OSBPL10: variants seen among roughly 807,000 people sequenced by gnomAD.
OSBPL10 encodes the protein oxysterol-binding protein-related protein 10.
OSBPL10 carries 49 observed loss-of-function variants against 81.7 expected under a neutral mutation model. The ratio of observed to expected loss-of-function variants is 0.60; its 90% confidence interval spans 0.48 to 0.76. The LOEUF (loss-of-function observed/expected upper bound fraction) is 0.76. Ranked by LOEUF, OSBPL10 falls within the 30% of genes least tolerant of loss-of-function variation. The probability of loss-of-function intolerance (pLI) is 0.00; values close to 1 mark genes in which losing one functional copy is unlikely to be tolerated. For synonymous variants in OSBPL10, 419 were observed against 383.6 expected (o/e 1.09, Z -1.08); for missense variants, 923 against 987.8 (o/e 0.93, Z 0.88).
Position 32,026,065 on chromosome 3 carries a change from AG to A in OSBPL10, n.298+20425del, listed in dbSNP as rs1228756269. Among the ~76,000 whole-genome samples, 398 of 82,238 alleles carry A rather than the reference AG, an allele frequency of 4.8e-3. 3 individuals are homozygous for A. The East Asian group carries it at 0.069, about 14-fold the overall frequency. 54.0% of individuals were successfully genotyped at this position (82,238 alleles called of 152,430 possible). On this transcript the variant is annotated intron_variant and non_coding_transcript_variant, in intron 2 of 3. Transcript: ENST00000479173. The stretch of plus-strand genomic sequence containing the variant: ...ATAGATAGATAGATAGATGATAGAT[AG>A]ATAGATAGATAGATAGATAGATAGA...
intron 1 of OSBPL10, among the ~76,000 whole-genome samples, chr3:31,912,372 G>A (rs917434834): frequency 6.7e-6 from 1 of 148,484 alleles, no homozygotes; most frequent in African/African-American, 2.5e-5. Context: ...TCCAGCCTGG[G>A]CGACAGGGCG....
chr3:32,007,778 C>T (rs1172279160), intron 2 of OSBPL10, among the ~76,000 whole-genome samples: 1 of 152,090 alleles, frequency 6.6e-6, no homozygotes, highest in Non-Finnish European at 1.5e-5. Flanking sequence ...ACCATCTCAG[C>T]TCACTGCAAC....
At chr3:31,737,607 C>T (rs2340538) in intron 5 of OSBPL10, among the ~76,000 whole-genome samples, 64,005 of 151,860 alleles carry the variant, frequency 0.42, 14,000 homozygotes, top group East Asian at 0.7. Context: ...GAATCAACAC[C>T]ACAGAAAGTC....
chr3:31,905,095 G>C (rs777531134), intron 1 of OSBPL10, among the ~76,000 whole-genome samples: 1 of 152,130 alleles, frequency 6.6e-6, no homozygotes, highest in Non-Finnish European at 1.5e-5. Context: ...CTGGCACACA[G>C]GAAGTATAAT....
At chr3:31,724,511 C>T (rs1696748506) in intron 6 of OSBPL10, among the ~76,000 whole-genome samples, 1 of 152,108 alleles carries the variant, frequency 6.6e-6, no homozygotes, top group South Asian at 2.1e-4. Context: ...GGCATGATTT[C>T]GGACCTTCCA....
intron 6 of OSBPL10, among the ~76,000 whole-genome samples, chr3:31,730,299 C>T (rs1047087659): frequency 6.6e-6 from 1 of 150,984 alleles, no homozygotes; most frequent in African/African-American, 2.4e-5. Flanking sequence ...TGAGATCGAT[C>T]ACGCCACTGT....
chr3:31,942,837 T>G (rs73061493), intron 1 of OSBPL10, among the ~76,000 whole-genome samples: 1 of 152,130 alleles, frequency 6.6e-6, no homozygotes, highest in Admixed American at 6.5e-5. Flanking sequence ...TCAAATTTTT[T>G]AAATCATAAC....
chr3:31,989,144 G>T, intron 2 of OSBPL10: 1 of 1,614,174 alleles, frequency 6.2e-7, no homozygotes, highest in East Asian at 2.2e-5. Flanking sequence ...CTTCCTCAGG[G>T]ACACTTGACT....
intron 5 of OSBPL10, among the ~76,000 whole-genome samples, chr3:31,735,960 T>A (rs1697145193): frequency 6.6e-6 from 1 of 152,174 alleles, no homozygotes. Flanking sequence ...GAACATGATT[T>A]AGCAAAGAGT....
At chr3:31,988,429 G>C (rs1698973289) in intron 2 of OSBPL10, among the ~76,000 whole-genome samples, 1 of 152,148 alleles carries the variant, frequency 6.6e-6, no homozygotes, top group Non-Finnish European at 1.5e-5. Context: ...CCAGAGGGTA[G>C]ACTGTAGTGA....
chr3:32,029,487 T>G (rs1424581171), intron 2 of OSBPL10, among the ~76,000 whole-genome samples: 1 of 152,122 alleles, frequency 6.6e-6, no homozygotes, highest in African/African-American at 2.4e-5. Flanking sequence ...TGAAATCCTT[T>G]CTTCTGAGGA....
At chr3:31,674,054 T>TA (rs1347432069) in intron 8 of OSBPL10, among the ~76,000 whole-genome samples, 4 of 152,140 alleles carry the variant, frequency 2.6e-5, no homozygotes, top group Non-Finnish European at 2.9e-5. Context: ...CCAAAGTGAC[T>TA]AAACAAACTC....
intron 2 of OSBPL10, chr3:31,990,986 T>G (rs755331382): frequency 1.3e-6 from 2 of 1,559,318 alleles, no homozygotes; most frequent in East Asian, 2.3e-5. Context: ...TAGAGGTCAC[T>G]CCTTGCAAAA....
At chr3:32,024,654 T>C (rs750123307) in intron 2 of OSBPL10, among the ~76,000 whole-genome samples, 5 of 152,018 alleles carry the variant, frequency 3.3e-5, no homozygotes, top group Admixed American at 6.6e-5. Flanking sequence ...TAGGCGAATT[T>C]TTGTATTTTT....
At chr3:31,776,070 G>A (rs2125758665) in intron 4 of OSBPL10, among the ~76,000 whole-genome samples, 1 of 152,184 alleles carries the variant, frequency 6.6e-6, no homozygotes, top group East Asian at 1.9e-4. Flanking sequence ...TTCCTGTGAT[G>A]GCTGCCACCT....
chr3:31,773,876 C>T (rs1306254890), intron 4 of OSBPL10, among the ~76,000 whole-genome samples: 2 of 152,114 alleles, frequency 1.3e-5, no homozygotes, highest in African/African-American at 2.4e-5. Context: ...TACAAATATA[C>T]ATAAAGGCCA....
chr3:31,836,314 C>G lies in OSBPL10; in HGVS notation c.538-6083G>C, dbSNP rs1355893282. ...ATATAAATGCATGCAAATGTGTGTGCAAATGAAAAATCGTGGTTCTTCCAG... is the reference window on the plus strand; with the variant it reads ...ATATAAATGCATGCAAATGTGTGTGGAAATGAAAAATCGTGGTTCTTCCAG... On this transcript the variant is annotated intron_variant, in intron 3 of 11. Transcript: ENST00000396556. Among the ~76,000 whole-genome samples the G allele has an allele frequency of 2.6e-5, 4 of 152,156 alleles. No homozygotes were observed. The East Asian group carries it at 7.7e-4, about 29-fold the overall frequency.
chr3:31,715,103 G>T (rs893312537), intron 6 of OSBPL10, among the ~76,000 whole-genome samples: 2 of 151,302 alleles, frequency 1.3e-5, no homozygotes, highest in Non-Finnish European at 2.9e-5. Flanking sequence ...ACTTCCTCTA[G>T]CCTAGTCTGA....
At chr3:31,722,361 C>T (rs992702344) in intron 6 of OSBPL10, among the ~76,000 whole-genome samples, 2 of 152,078 alleles carry the variant, frequency 1.3e-5, no homozygotes, top group Non-Finnish European at 2.9e-5. Flanking sequence ...GGAGCACCTG[C>T]CCCTCATGTC....
Sources: allele counts gnomAD v4.1 joint callset (sites outside exome capture counted in the v4.1 genomes callset), GRCh38; gene constraint gnomAD v4.1.1; transcripts MANE v1.5; gene names NCBI Gene and HGNC (gene_info 2026-07-23, HGNC 2026-07-21).